CDH10: variants seen among roughly 807,000 people sequenced by gnomAD.
CDH10 encodes cadherin-10.
A neutral mutation model predicts 73.1 loss-of-function variants in CDH10; 30 were observed. The ratio of observed to expected loss-of-function variants is 0.41; its 90% CI spans 0.31 to 0.56. The LOEUF (loss-of-function observed/expected upper bound fraction) is 0.56, where lower values mean the gene tolerates loss of function less well. CDH10 is among the 20% of genes least tolerant of loss of function. The probability of loss-of-function intolerance (pLI) is 0.27; values close to 1 mark genes in which losing one functional copy is unlikely to be tolerated. For synonymous variants in CDH10, 345 were observed against 348.2 expected (o/e 0.99, Z 0.10); for missense variants, 815 against 973.7 (o/e 0.84, Z 2.17).
chr5:24,525,380 T>A (rs1053988929), intron 5 of CDH10, among the ~76,000 whole-genome samples: 5 of 152,092 alleles, frequency 3.3e-5, no homozygotes, highest in Admixed American at 3.3e-4. Context: ...AGCTTAATTT[T>A]TTTATTTGCT....
At chr5:24,506,169 A>G (rs1391449154) in intron 7 of CDH10, among the ~76,000 whole-genome samples, 1 of 151,164 alleles carries the variant, frequency 6.6e-6, no homozygotes, top group Non-Finnish European at 1.5e-5. Context: ...AGAGTTTTTA[A>G]TATATCTGTG....
chr5:24,512,020 A>G (rs1162360490), intron 5 of CDH10, among the ~76,000 whole-genome samples: 1 of 152,090 alleles, frequency 6.6e-6, no homozygotes, highest in African/African-American at 2.4e-5. Context: ...GATCAGAAAA[A>G]CAATAATTAC....
At chr5:24,534,997 A>G in intron 5 of CDH10, 115 bp downstream of exon 5, 1 of 939,100 alleles carries the variant, frequency 1.1e-6, no homozygotes, top group East Asian at 2.7e-5. Context: ...CACATTTTCA[A>G]TATGTTTTAA....
intron 2 of CDH10, among the ~76,000 whole-genome samples, 192 bp downstream of exon 2, chr5:24,593,068 T>G (rs1746253831): frequency 6.6e-6 from 1 of 151,896 alleles, no homozygotes; most frequent in Admixed American, 6.6e-5. Context: ...ATAAATAAAT[T>G]TATGCATTTA....
At chr5:24,597,689 T>A (rs1746419020) in intron 1 of CDH10, among the ~76,000 whole-genome samples, 1 of 152,076 alleles carries the variant, frequency 6.6e-6, no homozygotes, top group Non-Finnish European at 1.5e-5. Flanking sequence ...GGACTTTCAT[T>A]ATTCTTCTGA....
At chr5:24,498,240 T>A (rs561788034) in intron 9 of CDH10, among the ~76,000 whole-genome samples, 158 bp downstream of exon 9, 113 of 152,346 alleles carry the variant, frequency 7.4e-4, no homozygotes, top group Non-Finnish European at 1.4e-3. Flanking sequence ...AAAAATATTT[T>A]CACCTTTAAA....
chr5:24,523,412 TA>T (rs544446569), intron 5 of CDH10, among the ~76,000 whole-genome samples: 130 of 152,158 alleles, frequency 8.5e-4, no homozygotes, highest in African/African-American at 3.0e-3. Context: ...TTTTAAAAAT[TA>T]AAAAATTTCC....
intron 2 of CDH10, among the ~76,000 whole-genome samples, chr5:24,550,129 G>A (rs1744492434): frequency 6.6e-6 from 1 of 152,046 alleles, no homozygotes; most frequent in South Asian, 2.1e-4. Context: ...AACAATAATA[G>A]TCATGTCTTT....
chr5:24,546,085 T>C (rs1744326627), intron 2 of CDH10, among the ~76,000 whole-genome samples: 1 of 152,122 alleles, frequency 6.6e-6, no homozygotes, highest in South Asian at 2.1e-4. Context: ...AGGAAAGAGA[T>C]AAACGAAGTT....
intron 11 of CDH10, among the ~76,000 whole-genome samples, chr5:24,490,696 T>C (rs1239012496): frequency 1.3e-5 from 2 of 152,200 alleles, no homozygotes; most frequent in African/African-American, 4.8e-5. Context: ...CTTAACTTCA[T>C]ATAAAAACAT....
intron 2 of CDH10, among the ~76,000 whole-genome samples, chr5:24,577,539 T>C (rs1745649106): frequency 6.6e-6 from 1 of 152,182 alleles, no homozygotes; most frequent in African/African-American, 2.4e-5. Flanking sequence ...ATAAACCAAC[T>C]GATCTGTTAA....
chr5:24,550,246 G>C (rs1250637531), intron 2 of CDH10, among the ~76,000 whole-genome samples: 1 of 152,126 alleles, frequency 6.6e-6, no homozygotes, highest in Non-Finnish European at 1.5e-5. Flanking sequence ...GAATTGTACA[G>C]TTTTGACATG....
intron 1 of CDH10, among the ~76,000 whole-genome samples, chr5:24,623,545 G>T (rs1378837773): frequency 2.6e-5 from 4 of 152,044 alleles, no homozygotes; most frequent in Admixed American, 2.6e-4. Context: ...TATGTAATTG[G>T]AAAATGATGC....
At chr5:24,543,692 C>CCAA (rs1000362727) in intron 2 of CDH10, among the ~76,000 whole-genome samples, 13 of 151,746 alleles carry the variant, frequency 8.6e-5, no homozygotes, top group South Asian at 6.3e-4. Flanking sequence ...AAATTTGCAC[C>CCAA]CAACAACAAC....
intron 8 of CDH10, among the ~76,000 whole-genome samples, chr5:24,504,506 CTTTTTTTTTTTTTTTTTTTTT>C (rs70965605): frequency 4.6e-5 from 3 of 65,206 alleles, no homozygotes; most frequent in African/African-American, 6.2e-5. Flanking sequence ...TCCTATTAAT[CTTTTTTTTTTTTTTTTTTTTT>C]TTTTTTTTTT....
At chr5:24,525,361 T>G (rs2111833827) in intron 5 of CDH10, among the ~76,000 whole-genome samples, 1 of 152,208 alleles carries the variant, frequency 6.6e-6, no homozygotes, top group African/African-American at 2.4e-5. Flanking sequence ...AACAAAATAA[T>G]TTAACTTTAG....
intron 1 of CDH10, among the ~76,000 whole-genome samples, chr5:24,595,019 C>A (rs1375438605): frequency 6.6e-6 from 1 of 151,748 alleles, no homozygotes; most frequent in African/African-American, 2.4e-5. Flanking sequence ...TGTGCCCAAG[C>A]ATTTATGTAT....
chr5:24,500,280 G>T (rs1742442327), intron 8 of CDH10, among the ~76,000 whole-genome samples: 1 of 152,182 alleles, frequency 6.6e-6, no homozygotes, highest in African/African-American at 2.4e-5. Context: ...AGAACAGACT[G>T]CTTAGCAGGG....
At chr5:24,584,090 T>C (rs187886158) in intron 2 of CDH10, among the ~76,000 whole-genome samples, 5 of 152,290 alleles carry the variant, frequency 3.3e-5, no homozygotes, top group African/African-American at 1.2e-4. Flanking sequence ...TTTTTCTTAA[T>C]TATAAATGAA....
Sources: allele counts gnomAD v4.1 joint callset (sites outside exome capture counted in the v4.1 genomes callset), GRCh38; gene constraint gnomAD v4.1.1; transcripts MANE v1.5; gene names NCBI Gene and HGNC (gene_info 2026-07-23, HGNC 2026-07-21).